PARP8: variants seen among roughly 807,000 people sequenced by gnomAD.
The protein encoded by PARP8 is poly(ADP-ribose) polymerase family member 8.
PARP8 carries 51 observed loss-of-function variants against 124.1 expected under a neutral mutation model. The observed-to-expected ratio is 0.41, with a 90% CI of 0.33 to 0.52. PARP8 has a LOEUF of 0.52. PARP8 is among the 20% of genes least tolerant of loss of function. The pLI is 0.21. For synonymous variants in PARP8, 391 were observed against 361.5 expected (o/e 1.08, Z -0.93); for missense variants, 860 against 1,018.9 (o/e 0.84, Z 2.12).
At chr5:50,825,063 A>C (rs1746194310) in intron 18 of PARP8, 88 bp downstream of exon 18, 7 of 1,122,486 alleles carry the variant, frequency 6.2e-6, no homozygotes, top group Non-Finnish European at 8.0e-6. Flanking sequence ...ACAAAAGTAA[A>C]CCTGTCTTAC....
intron 25 of PARP8, among the ~76,000 whole-genome samples, chr5:50,837,637 C>T (rs2149728044): frequency 6.6e-6 from 1 of 151,918 alleles, no homozygotes; most frequent in African/African-American, 2.4e-5. Flanking sequence ...ATCTGATTCC[C>T]ACAGTTGAGA....
intron 2 of PARP8, among the ~76,000 whole-genome samples, chr5:50,738,269 A>AT (rs1314648535): frequency 6.6e-6 from 1 of 152,174 alleles, no homozygotes; most frequent in African/African-American, 2.4e-5. Flanking sequence ...GAAGAAAATG[A>AT]TTTTATCTTT....
At chr5:50,837,944 CTG>C (rs749088442) in intron 25 of PARP8, among the ~76,000 whole-genome samples, 1 of 152,022 alleles carries the variant, frequency 6.6e-6, no homozygotes, top group African/African-American at 2.4e-5. Context: ...TTTCTAGAAA[CTG>C]TGAGTAAAGC....
chr5:50,798,634 G>A (rs1367387711), intron 14 of PARP8, among the ~76,000 whole-genome samples: 8 of 151,960 alleles, frequency 5.3e-5, no homozygotes, highest in Non-Finnish European at 8.8e-5. Flanking sequence ...GTGTTGGCCA[G>A]GATGGTCTCG....
At chr5:50,672,215 C>G (rs1750109349) in intron 2 of PARP8, among the ~76,000 whole-genome samples, 1 of 152,184 alleles carries the variant, frequency 6.6e-6, no homozygotes, top group Non-Finnish European at 1.5e-5. Flanking sequence ...CTAGGTGTTT[C>G]TAAAACCATG....
intron 14 of PARP8, among the ~76,000 whole-genome samples, chr5:50,799,745 G>A (rs1282676113): frequency 6.6e-6 from 1 of 152,092 alleles, no homozygotes; most frequent in African/African-American, 2.4e-5. Context: ...TGGGTTGTTT[G>A]GAAGGCGATT....
chr5:50,768,017 G>GTA (rs941837960), intron 7 of PARP8, among the ~76,000 whole-genome samples: 2 of 152,044 alleles, frequency 1.3e-5, no homozygotes, highest in African/African-American at 4.8e-5. Context: ...ATATATGTGT[G>GTA]TGTGTGTGTG....
chr5:50,840,305 C>T (rs1431287482), intron 25 of PARP8, among the ~76,000 whole-genome samples: 3 of 151,816 alleles, frequency 2.0e-5, no homozygotes, highest in African/African-American at 7.3e-5. Flanking sequence ...CAATCTGCAA[C>T]TTGAAAACCA....
intron 2 of PARP8, among the ~76,000 whole-genome samples, chr5:50,728,088 A>T (rs1338653965): frequency 6.6e-6 from 1 of 152,122 alleles, no homozygotes; most frequent in East Asian, 1.9e-4. Context: ...TTGAATTCAA[A>T]ATTCTTGCCA....
intron 18 of PARP8, among the ~76,000 whole-genome samples, chr5:50,825,544 G>A (rs550791293): frequency 1.3e-5 from 2 of 152,156 alleles, no homozygotes; most frequent in Non-Finnish European, 1.5e-5. Flanking sequence ...GAAGAGGAGA[G>A]AAGTCACCTT....
At chr5:50,817,884 AAT>A (rs1473299727) in intron 15 of PARP8, among the ~76,000 whole-genome samples, 1 of 152,000 alleles carries the variant, frequency 6.6e-6, no homozygotes, top group Non-Finnish European at 1.5e-5. Context: ...CTGCCAGTTG[AAT>A]TGTAGGTAAT....
intron 9 of PARP8, among the ~76,000 whole-genome samples, 177 bp downstream of exon 9, chr5:50,778,827 A>G (rs924591982): frequency 3.3e-5 from 5 of 152,158 alleles, no homozygotes; most frequent in African/African-American, 1.2e-4. Context: ...ACTTATGGAA[A>G]CAGAAACGTA....
At chr5:50,808,197 A>G (rs1225036216) in intron 14 of PARP8, among the ~76,000 whole-genome samples, 1 of 151,804 alleles carries the variant, frequency 6.6e-6, no homozygotes, top group Non-Finnish European at 1.5e-5. Context: ...GAGATCAAAA[A>G]TGCGTCTGTG....
chr5:50,796,977 T>C lies in PARP8; in HGVS notation c.1429-5T>C. On this transcript the variant is annotated splice_polypyrimidine_tract_variant and splice_region_variant and intron_variant, in intron 12 of 25. Transcript: ENST00000281631. ...TATCATTTTTTTTTACTTTGCTTTT[T>C]ATAGCCAAATGGTGCAAAATGCATT... 1 of 1,604,556 alleles carries C rather than the reference T, an allele frequency of 6.2e-7. No homozygotes were observed. Among genetic ancestry groups the C allele is most frequent in the East Asian group, 2.2e-5 (1 of 44,792 alleles).
At chr5:50,777,166 T>A (rs1740126428) in intron 7 of PARP8, among the ~76,000 whole-genome samples, 1 of 152,200 alleles carries the variant, frequency 6.6e-6, no homozygotes, top group South Asian at 2.1e-4. Flanking sequence ...CTTTGTACTC[T>A]GGGCCTCAAT....
chr5:50,727,433 T>G lies in PARP8; in HGVS notation c.147-22718T>G, dbSNP rs74787137. Among the ~76,000 whole-genome samples the G allele has an allele frequency of 5.5e-3, 843 of 152,250 alleles. 7 individuals carry two copies. The highest frequency in any genetic ancestry group is 0.019 in the African/African-American group (789 of 41,550). The stretch of plus-strand genomic sequence containing the variant: ...GTCCCTGTTTTCATATTTTTGTTCT[T>G]TGTTTAGGTAGTATGTCAACTGCTT... On this transcript the variant is annotated intron_variant, in intron 2 of 25. Coordinates refer to ENST00000281631, the MANE Select transcript of PARP8 (RefSeq NM_024615.4).
rs762870188 is a variant in PARP8, at chr5:50,795,345, C to T, written c.1356C>T (p.Gly452=). 5.6e-6 allele frequency: 9 copies of T among 1,614,118 alleles called. No homozygotes were observed. The South Asian group carries it at 8.8e-5, about 16-fold the overall frequency. Residue 452 remains glycine (G), a synonymous_variant, in exon 12 of 26, where the codon GGC becomes GGT. Transcript: ENST00000281631. ...TTTTCAAGGAACCTAACGCAGAGGG[C>T]AGGAGGCTCTCTCTTACCTCAGGGC... ...TELFKEPNAE[G]RRLSLTSGLI...
At chr5:50,721,442 A>G (rs575955774) in intron 2 of PARP8, among the ~76,000 whole-genome samples, 14 of 151,560 alleles carry the variant, frequency 9.2e-5, no homozygotes, top group South Asian at 4.1e-4. Context: ...TAGTCCATGT[A>G]TTTTGTAATT....
chr5:50,788,668 C>A, intron 10 of PARP8, 79 bp downstream of exon 10: 6 of 1,163,880 alleles, frequency 5.2e-6, no homozygotes, highest in African/African-American at 2.7e-5. Context: ...AACAAACAAA[C>A]AAAAACCTAT....
Sources: gnomAD v4.1 joint callset for allele counts (sites outside exome capture counted in the v4.1 genomes callset) on GRCh38, gnomAD v4.1.1 for gene constraint, MANE v1.5 for transcripts, NCBI Gene and HGNC (gene_info 2026-07-23, HGNC 2026-07-21) for gene names.